AHI1: variants seen among roughly 807,000 people sequenced by gnomAD.
AHI1 encodes the protein Abelson helper integration site 1, also known as jouberin.
In AHI1, 123 loss-of-function variants were observed where a neutral mutation model predicts 149.3. The ratio of observed to expected loss-of-function variants is 0.82; its 90% CI spans 0.71 to 0.96. AHI1 has a LOEUF of 0.96. Among genes scored for constraint, AHI1 ranks in the 40% least tolerant of loss-of-function variants. AHI1 has a pLI of 0.00. For missense variants in AHI1, 1,439 were observed against 1,422.7 expected, an observed-to-expected ratio of 1.01 and a Z score of -0.18; for synonymous variants, 475 against 459.8, an observed-to-expected ratio of 1.03 and a Z score of -0.42.
At chr6:135,454,260 T>A (rs1443753509) in intron 10 of AHI1, among the ~76,000 whole-genome samples, 4 of 152,092 alleles carry the variant, frequency 2.6e-5, no homozygotes, top group Non-Finnish European at 5.9e-5. Flanking sequence ...CCTAAACATA[T>A]GTGTGGAACT....
At chr6:135,403,803 G>A (rs928133318) in intron 22 of AHI1, among the ~76,000 whole-genome samples, 1 of 151,644 alleles carries the variant, frequency 6.6e-6, no homozygotes, top group African/African-American at 2.4e-5. Flanking sequence ...TTCCCCCCTC[G>A]TCTTCCTTCC....
At chr6:135,437,694 G>A (rs1785617963) in intron 15 of AHI1, among the ~76,000 whole-genome samples, 1 of 152,150 alleles carries the variant, frequency 6.6e-6, no homozygotes, top group Non-Finnish European at 1.5e-5. Flanking sequence ...GTAGTGTGTG[G>A]AGAGAATAAT....
intron 23 of AHI1, among the ~76,000 whole-genome samples, chr6:135,373,014 TTCATATGCTACAATG>T (rs1775292748): frequency 6.6e-6 from 1 of 152,222 alleles, no homozygotes; most frequent in Non-Finnish European, 1.5e-5. Context: ...ATTCACCAGA[TTCATATGCTACAATG>T]CAGTGTTAGG....
chr6:135,452,119 A>T (rs1788215200), intron 11 of AHI1, among the ~76,000 whole-genome samples: 1 of 152,252 alleles, frequency 6.6e-6, no homozygotes, highest in East Asian at 1.9e-4. Flanking sequence ...ATAATAATGT[A>T]GGTAACAGGT....
rs539838198 is a variant in AHI1, at chr6:135,328,047, G to A, written c.3166-4723C>T. ...GTTGTGGGAACCCCAACTTGAAGCC[G>A]GTTGGTCAAAAGTTCTGGAAGCCTG... is the stretch of plus-strand genomic sequence containing the variant. On this transcript the variant is annotated intron_variant, in intron 24 of 28. Coordinates refer to ENST00000265602, the MANE Select transcript of AHI1 (RefSeq NM_001134831.2). Among the ~76,000 whole-genome samples the A allele has an allele frequency of 6.5e-4, 99 of 152,302 alleles. 2 individuals carry two copies. The South Asian group carries it at 0.019, about 29-fold the overall frequency.
chr6:135,387,341 G>A (rs1411815085), intron 23 of AHI1, among the ~76,000 whole-genome samples: 1 of 152,158 alleles, frequency 6.6e-6, no homozygotes, highest in Admixed American at 6.5e-5. Flanking sequence ...TGTTGCTTTT[G>A]TTCTATTTTA....
chr6:135,303,933 G>T (rs1562465469), intron 26 of AHI1, among the ~76,000 whole-genome samples: 1 of 152,136 alleles, frequency 6.6e-6, no homozygotes, highest in Non-Finnish European at 1.5e-5. Flanking sequence ...TTCTTTTATT[G>T]CTACAACTCT....
chr6:135,424,391 TATTG>T (rs1175644007), intron 20 of AHI1, among the ~76,000 whole-genome samples: 1 of 152,014 alleles, frequency 6.6e-6, no homozygotes, highest in Non-Finnish European at 1.5e-5. Flanking sequence ...CTGAGGTGAA[TATTG>T]ATTAATAACA....
chr6:135,328,449 T>A (rs1397730625), intron 24 of AHI1, among the ~76,000 whole-genome samples: 1 of 152,106 alleles, frequency 6.6e-6, no homozygotes, highest in East Asian at 1.9e-4. Flanking sequence ...CTATGATAGG[T>A]GATCTTTGAT....
At chr6:135,433,573 T>A (rs1050334914) in intron 15 of AHI1, among the ~76,000 whole-genome samples, 2 of 152,134 alleles carry the variant, frequency 1.3e-5, no homozygotes, top group African/African-American at 4.8e-5. Flanking sequence ...GAACAGTTGG[T>A]AAAATATTGC....
At chr6:135,354,943 A>G (rs1225442583) in intron 24 of AHI1, among the ~76,000 whole-genome samples, 1 of 152,180 alleles carries the variant, frequency 6.6e-6, no homozygotes, top group Non-Finnish European at 1.5e-5. Context: ...GGTTCCTTAC[A>G]CAAGAGAATG....
chr6:135,467,664 C>T, intron 5 of AHI1, 30 bp from the exon 6 acceptor site: 1 of 1,512,684 alleles, frequency 6.6e-7, no homozygotes, highest in South Asian at 1.2e-5. Context: ...AAAGTTTCAG[C>T]TAAGCGTAGA....
At chr6:135,376,855 C>T (rs1775996953) in intron 23 of AHI1, among the ~76,000 whole-genome samples, 1 of 113,404 alleles carries the variant, frequency 8.8e-6, no homozygotes, top group South Asian at 3.1e-4. Context: ...GCAATCCAGC[C>T]TCGGTGACAG....
intron 20 of AHI1, among the ~76,000 whole-genome samples, chr6:135,419,207 G>A (rs1782801384): frequency 6.6e-6 from 1 of 152,048 alleles, no homozygotes; most frequent in Admixed American, 6.6e-5. Context: ...AACCAAATGA[G>A]ACAGCATCTA....
At chr6:135,469,479 T>A (rs1191554581) in intron 5 of AHI1, among the ~76,000 whole-genome samples, 1 of 152,084 alleles carries the variant, frequency 6.6e-6, no homozygotes, top group African/African-American at 2.4e-5. Flanking sequence ...AAAACTACTT[T>A]AAAATTCATA....
At chr6:135,305,652 T>G (rs1447222723) in intron 26 of AHI1, among the ~76,000 whole-genome samples, 1 of 152,232 alleles carries the variant, frequency 6.6e-6, no homozygotes, top group Non-Finnish European at 1.5e-5. Flanking sequence ...TTCAGTAGGC[T>G]TTTCCCAGTC....
chr6:135,413,376 G>T (rs902982306), intron 20 of AHI1, among the ~76,000 whole-genome samples: 1 of 151,954 alleles, frequency 6.6e-6, no homozygotes, highest in Non-Finnish European at 1.5e-5. Context: ...AATTAAAAAG[G>T]AAATGATGTA....
intron 16 of AHI1, 68 bp from the exon 17 acceptor site, chr6:135,431,382 C>A (rs567226991): frequency 1.0e-6 from 1 of 954,338 alleles, no homozygotes; most frequent in Admixed American, 2.4e-5. Context: ...AATAGGAAAT[C>A]GGGGGAAACT....
At chr6:135,470,652 C>CA (rs1297640141) in intron 5 of AHI1, among the ~76,000 whole-genome samples, 11 of 152,002 alleles carry the variant, frequency 7.2e-5, no homozygotes, top group African/African-American at 2.7e-4. Flanking sequence ...GGAACGAGAT[C>CA]ATGTCCTTTG....
Sources: gnomAD v4.1 joint callset for allele counts (sites outside exome capture counted in the v4.1 genomes callset) on GRCh38, gnomAD v4.1.1 for gene constraint, MANE v1.5 for transcripts, NCBI Gene and HGNC (gene_info 2026-07-23, HGNC 2026-07-21) for gene names.